Variants in MEGF11 observed in about 807,000 individuals in gnomAD.
MEGF11 encodes multiple epidermal growth factor-like domains protein 11.
Under a neutral mutation model 146.6 loss-of-function variants are expected in MEGF11, and 126 were observed. The ratio of observed to expected loss-of-function variants is 0.86; its 90% CI spans 0.74 to 1.00. The LOEUF (loss-of-function observed/expected upper bound fraction) is 1.00, where lower values mean the gene tolerates loss of function less well. Among genes scored for constraint, MEGF11 ranks in the 50% least tolerant of loss-of-function variants. The pLI, the probability that MEGF11 is intolerant of heterozygous loss-of-function variation, is 0.00. For synonymous variants in MEGF11, 532 were observed against 583.4 expected (o/e 0.91, Z 1.27); for missense variants, 1,509 against 1,521.2 (o/e 0.99, Z 0.13).
chr15:66,093,898 ACAAGGAC>A (rs1321266873), intron 5 of MEGF11, among the ~76,000 whole-genome samples: 1 of 152,178 alleles, frequency 6.6e-6, no homozygotes, highest in Non-Finnish European at 1.5e-5. Flanking sequence ...ATGTAGGAAC[ACAAGGAC>A]CTGCCCCTGC....
At chr15:65,966,733 A>G (rs1054980517) in intron 8 of MEGF11, among the ~76,000 whole-genome samples, 36 of 151,990 alleles carry the variant, frequency 2.4e-4, no homozygotes, top group African/African-American at 8.0e-4. Context: ...GTACTTGGAG[A>G]TCCCAACATA....
At chr15:66,050,079 A>C (rs1036938905) in intron 5 of MEGF11, among the ~76,000 whole-genome samples, 7 of 152,182 alleles carry the variant, frequency 4.6e-5, no homozygotes. Context: ...AATATAATTG[A>C]GACAGGGTCT....
intron 1 of MEGF11, among the ~76,000 whole-genome samples, chr15:66,246,054 A>T (rs1421144670): frequency 6.6e-6 from 1 of 152,096 alleles, no homozygotes; most frequent in Non-Finnish European, 1.5e-5. Context: ...TGAAGTCAGG[A>T]GTTCGAGACC....
At position 65,922,933 on chromosome 15, in the gene MEGF11, C is replaced by T. The variant is rs772645621; in HGVS notation, c.1712G>A (p.Trp571Ter). The T allele has an allele frequency of 2.7e-5, 43 of 1,613,270 alleles. No individual in the cohort carries two copies. The highest frequency in any genetic ancestry group is 3.5e-5 in the Non-Finnish European group (41 of 1,179,742). Residue 571 changes from tryptophan to a stop codon, truncating the protein, a stop_gained, in exon 14 of 26, where the codon TGG becomes TAG. Coordinates refer to ENST00000395614, the MANE Select transcript of MEGF11 (RefSeq NM_001385028.1). LOFTEE classifies it high-confidence loss of function. ...RCDSTCPPGR[W>*]GPNCSVSCSC... ...GCAGGAGACAGAGCAGTTGGGGCCC[C>T]AGCGGCCAGGTGGACACGTGCTGTC...
At chr15:65,898,457 G>A (rs911296384) in intron 25 of MEGF11, 56 of 983,280 alleles carry the variant, frequency 5.7e-5, no homozygotes, top group Middle Eastern at 5.2e-4. Context: ...GTGTGTGTGC[G>A]CGCGTGCACG....
In MEGF11 at chr15:66,185,324, C is replaced by T. The variant is rs79422890; in HGVS notation, c.-8-56913G>A. 2.4e-3 allele frequency among the ~76,000 whole-genome samples: 366 copies of T among 152,312 alleles called. 7 individuals are homozygous for T. In the East Asian group the frequency reaches 0.047, roughly 20 times the overall value. ...CCAGCAGGAACTCCTGCCTCCCTCA[C>T]GTCTACCCTAATCCTTACCATTCCT... On this transcript the variant is annotated intron_variant, in intron 1 of 25. Coordinates refer to ENST00000395614, the MANE Select transcript of MEGF11 (RefSeq NM_001385028.1).
In MEGF11 at chr15:66,109,364, G is replaced by C. The variant is rs150663307; in HGVS notation, c.301+9722C>G. Among the ~76,000 whole-genome samples the C allele has an allele frequency of 4.3e-3, 652 of 152,260 alleles. 3 individuals are homozygous for C. Among genetic ancestry groups the C allele is most frequent in the Non-Finnish European group, 7.2e-3 (487 of 68,018 alleles). On this transcript the variant is annotated intron_variant, in intron 4 of 25. Transcript: ENST00000395614. ...CGGGCAGTGTCCTGACCCCTCTGCT[G>C]TCTCCCACGTCTCGCCTTTGCTCAT...
At chr15:65,916,372 G>A (rs1345323398) in intron 17 of MEGF11, 96 bp from the exon 18 acceptor site, 3 of 1,429,424 alleles carry the variant, frequency 2.1e-6, no homozygotes. Flanking sequence ...TTTTTTTGCT[G>A]AGCATGGGAT....
chr15:66,226,134 C>T (rs1415912900), intron 1 of MEGF11, among the ~76,000 whole-genome samples: 1 of 152,232 alleles, frequency 6.6e-6, no homozygotes, highest in African/African-American at 2.4e-5. Flanking sequence ...ATCATGCCTT[C>T]GTCCAGTGTA....
intron 4 of MEGF11, among the ~76,000 whole-genome samples, chr15:66,099,584 G>A (rs1336136300): frequency 6.6e-6 from 1 of 152,166 alleles, no homozygotes; most frequent in Non-Finnish European, 1.5e-5. Flanking sequence ...TTAGCTGCAT[G>A]TCCTTGAGCA....
chr15:65,899,829 T>A (rs1388189379), intron 24 of MEGF11, among the ~76,000 whole-genome samples: 1 of 152,210 alleles, frequency 6.6e-6, no homozygotes. Flanking sequence ...ATGCTTCCTT[T>A]CCTGCCACCT....
chr15:65,908,989 G>T, intron 23 of MEGF11, 45 bp downstream of exon 23: 1 of 1,274,612 alleles, frequency 7.8e-7, no homozygotes, highest in Non-Finnish European at 1.1e-6. Flanking sequence ...CAGGTGCTGG[G>T]TCTGGTCTGG....
intron 2 of MEGF11, among the ~76,000 whole-genome samples, chr15:66,127,459 C>T (rs2140955815): frequency 6.6e-6 from 1 of 152,320 alleles, no homozygotes; most frequent in African/African-American, 2.4e-5. Context: ...GGCTATCCAC[C>T]CTCATGGGCA....
intron 5 of MEGF11, among the ~76,000 whole-genome samples, chr15:66,059,532 A>T (rs2084813097): frequency 6.6e-6 from 1 of 152,042 alleles, no homozygotes; most frequent in Non-Finnish European, 1.5e-5. Context: ...TGCAGCCCTC[A>T]TTACCCATGT....
At chr15:66,087,483 C>T (rs1033539421) in intron 5 of MEGF11, among the ~76,000 whole-genome samples, 22 of 152,144 alleles carry the variant, frequency 1.4e-4, no homozygotes, top group Non-Finnish European at 2.8e-4. Context: ...CTCTCTCAGA[C>T]CACAGTGGAA....
chr15:65,976,526 CAG>C (rs2081453215), intron 7 of MEGF11, among the ~76,000 whole-genome samples: 1 of 152,192 alleles, frequency 6.6e-6, no homozygotes, highest in Non-Finnish European at 1.5e-5. Flanking sequence ...CATAGAGACA[CAG>C]GGAGAAGATG....
chr15:66,150,778 A>G (rs567683579), intron 1 of MEGF11, among the ~76,000 whole-genome samples: 78 of 151,472 alleles, frequency 5.1e-4, no homozygotes, highest in African/African-American at 1.8e-3. Flanking sequence ...GAGAGGAAAG[A>G]TCACACCACT....
chr15:66,058,724 G>T (rs1025220387), intron 5 of MEGF11, among the ~76,000 whole-genome samples: 10 of 152,158 alleles, frequency 6.6e-5, no homozygotes, highest in Non-Finnish European at 1.3e-4. Context: ...CCTCTTCGGG[G>T]TGGCCCTATT....
chr15:65,911,246 T>C (rs1416707396), intron 21 of MEGF11, among the ~76,000 whole-genome samples: 3 of 152,340 alleles, frequency 2.0e-5, no homozygotes, highest in African/African-American at 7.2e-5. Context: ...CCCTTGTTGA[T>C]TCAGACTGCA....
Sources: gnomAD v4.1 joint callset for allele counts (sites outside exome capture counted in the v4.1 genomes callset) on GRCh38, gnomAD v4.1.1 for gene constraint, MANE v1.5 for transcripts, NCBI Gene and HGNC (gene_info 2026-07-23, HGNC 2026-07-21) for gene names.